The following CADM2 variants were observed in gnomAD, a reference collection of about 807,000 sequenced individuals.
The protein encoded by CADM2 is immunoglobulin superfamily member 4D.
CADM2 carries 12 observed loss-of-function variants against 49.8 expected under a neutral mutation model. The observed-to-expected ratio is 0.24, with a 90% confidence interval of 0.15 to 0.39. The LOEUF is 0.39. Ranked by LOEUF, CADM2 falls within the 10% of genes least tolerant of loss-of-function variation. CADM2 has a pLI of 1.00. For missense variants in CADM2, 378 were observed against 492.3 expected (o/e 0.77, Z 2.20); for synonymous variants, 214 against 175.4 (o/e 1.22, Z -1.74).
chr3:85,404,486 G>T lies in CADM2; in HGVS notation c.62-322036G>T, dbSNP rs146521936. Among the ~76,000 whole-genome samples the T allele has an allele frequency of 3.3e-5, 5 of 152,182 alleles. 1 individual carries two copies. The East Asian group carries it at 7.7e-4, about 24-fold the overall frequency. On this transcript the variant is annotated intron_variant, in intron 1 of 9. Transcript: ENST00000383699. ...AGGAAGAATATTTTCATAGCCTATGGTGGAAAACATATTCAATGCTTTTGA... is the reference window on the plus strand; with the variant it reads ...AGGAAGAATATTTTCATAGCCTATGTTGGAAAACATATTCAATGCTTTTGA...
intron 8 of CADM2, among the ~76,000 whole-genome samples, chr3:85,986,138 C>T (rs1181319606): frequency 6.6e-6 from 1 of 151,972 alleles, no homozygotes; most frequent in Non-Finnish European, 1.5e-5. Flanking sequence ...TCCTTTATAT[C>T]AAAAGAAATC....
At chr3:86,019,739 A>AT (rs1446447397) in intron 8 of CADM2, among the ~76,000 whole-genome samples, 4 of 152,092 alleles carry the variant, frequency 2.6e-5, no homozygotes. Flanking sequence ...GTATCCTGAG[A>AT]TTTTGCTGAA....
At chr3:85,751,655 A>C (rs995900565) in intron 2 of CADM2, among the ~76,000 whole-genome samples, 1 of 152,138 alleles carries the variant, frequency 6.6e-6, no homozygotes. Flanking sequence ...TGCAAATTTT[A>C]ATGCAAACCC....
Position 85,912,423 on chromosome 3 carries a change from A to G in CADM2, c.580A>G (p.Ser194Gly). The stretch of plus-strand genomic sequence containing the variant: ...TGCAAATCGCAAGACATTCACTGTC[A>G]GCAGCACACTGGACTTCCGAGTGGA... ...EDANRKTFTV[S>G]STLDFRVDRS... is the part of the protein sequence containing the mutation. Residue 194 changes from serine to glycine, a missense_variant, in exon 6 of 10, where the codon AGC (serine) becomes GGC (glycine). By Grantham distance (56) the Ser-to-Gly change is moderately conservative. Transcript: ENST00000383699. 6.2e-7 allele frequency: 1 copy of G among 1,614,088 alleles called. No individual in the cohort carries two copies. The highest frequency in any genetic ancestry group is 8.5e-7 in the Non-Finnish European group (1 of 1,179,954).
chr3:85,427,696 T>C (rs891000925), intron 1 of CADM2, among the ~76,000 whole-genome samples: 1 of 152,140 alleles, frequency 6.6e-6, no homozygotes, highest in Non-Finnish European at 1.5e-5. Context: ...GTCATAATAG[T>C]GCCAGCATTA....
At chr3:85,620,731 C>T (rs2063949543) in intron 1 of CADM2, among the ~76,000 whole-genome samples, 1 of 152,052 alleles carries the variant, frequency 6.6e-6, no homozygotes, top group Non-Finnish European at 1.5e-5. Flanking sequence ...TGATATGTGA[C>T]ACAAAGCAAT....
At chr3:85,624,175 G>T (rs563253274) in intron 1 of CADM2, among the ~76,000 whole-genome samples, 1 of 152,182 alleles carries the variant, frequency 6.6e-6, no homozygotes, top group East Asian at 1.9e-4. Context: ...ATTTAACTGA[G>T]AAGTTACTTT....
chr3:85,233,220 G>T (rs1389825910), intron 1 of CADM2, among the ~76,000 whole-genome samples: 1 of 152,120 alleles, frequency 6.6e-6, no homozygotes, highest in African/African-American at 2.4e-5. Context: ...ATCAGTAGTT[G>T]CCAGAGGTTC....
At chr3:85,632,611 C>T (rs1227134661) in intron 1 of CADM2, among the ~76,000 whole-genome samples, 1 of 151,942 alleles carries the variant, frequency 6.6e-6, no homozygotes, top group Non-Finnish European at 1.5e-5. Flanking sequence ...TTATAAAGAG[C>T]TAAATTTAGA....
At chr3:85,540,449 TA>T (rs2061512949) in intron 1 of CADM2, among the ~76,000 whole-genome samples, 1 of 152,138 alleles carries the variant, frequency 6.6e-6, no homozygotes, top group Admixed American at 6.6e-5. Flanking sequence ...TGAGACTACT[TA>T]AAACATATTG....
In CADM2 at chr3:86,067,642, A is replaced by G. The variant is rs188745465; in HGVS notation, c.*859A>G. 6.6e-6 allele frequency: 1 copy of G among 152,644 alleles called. No individual in the cohort carries two copies. Among genetic ancestry groups the G allele is most frequent in the East Asian group, 1.9e-4 (1 of 5,186 alleles). The allele number at this position is 152,644 out of a possible 1,614,324, so 9.5% of individuals were successfully genotyped here. On this transcript the variant is annotated 3_prime_UTR_variant, in exon 10 of 10. Coordinates refer to ENST00000383699, the MANE Select transcript of CADM2 (RefSeq NM_001167675.2). ...AGTATCCATAGGGCACAATTTTCAG[A>G]CATTTTAGTATCTGTATATAGTGCA...
chr3:85,873,393 G>A (rs372210993), intron 3 of CADM2, among the ~76,000 whole-genome samples: 1 of 151,994 alleles, frequency 6.6e-6, no homozygotes, highest in Non-Finnish European at 1.5e-5. Context: ...TCAGCCAAAC[G>A]TGGTGGCTGA....
intron 1 of CADM2, among the ~76,000 whole-genome samples, chr3:85,008,191 G>A (rs533056404): frequency 6.6e-6 from 1 of 152,150 alleles, no homozygotes; most frequent in Non-Finnish European, 1.5e-5. Context: ...GTGAGAGAGA[G>A]GACCTCGTAA....
intron 1 of CADM2, among the ~76,000 whole-genome samples, chr3:85,329,046 T>C (rs1426451556): frequency 1.3e-5 from 2 of 152,108 alleles, no homozygotes; most frequent in African/African-American, 4.8e-5. Context: ...ACTGGTGTCA[T>C]TATAAAATGT....
chr3:85,437,205 A>G (rs1274688717), intron 1 of CADM2, among the ~76,000 whole-genome samples: 1 of 152,032 alleles, frequency 6.6e-6, no homozygotes, highest in African/African-American at 2.4e-5. Context: ...ATGCTGGGTA[A>G]TGTCTCATTA....
intron 1 of CADM2, among the ~76,000 whole-genome samples, chr3:85,321,251 C>T (rs2107106247): frequency 6.9e-6 from 1 of 144,700 alleles, no homozygotes; most frequent in Non-Finnish European, 1.5e-5. Flanking sequence ...CGGTTCACTG[C>T]AACCTCTGCC....
chr3:85,715,685 G>A (rs933344069), intron 1 of CADM2, among the ~76,000 whole-genome samples: 3 of 152,164 alleles, frequency 2.0e-5, no homozygotes, highest in Admixed American at 6.5e-5. Context: ...ACCCCAGTGT[G>A]TGATGTTCGC....
intron 7 of CADM2, among the ~76,000 whole-genome samples, chr3:85,945,876 G>C (rs1173221467): frequency 1.3e-5 from 2 of 152,010 alleles, no homozygotes; most frequent in Non-Finnish European, 1.5e-5. Context: ...CACAAGACAG[G>C]GATGCCCTCT....
chr3:85,835,462 T>C (rs983413649), intron 3 of CADM2, among the ~76,000 whole-genome samples: 4 of 151,238 alleles, frequency 2.6e-5, no homozygotes, highest in South Asian at 2.1e-4. Context: ...TGCTATGTAC[T>C]GAGTCTATAG....
Sources: allele counts gnomAD v4.1 joint callset (sites outside exome capture counted in the v4.1 genomes callset), GRCh38; gene constraint gnomAD v4.1.1; transcripts MANE v1.5; gene names NCBI Gene and HGNC (gene_info 2026-07-23, HGNC 2026-07-21).